CLCN5: variants seen among roughly 807,000 people sequenced by gnomAD.
CLCN5 encodes the protein H(+)/Cl(-) exchange transporter 5.
In CLCN5, 17 loss-of-function variants were observed where a neutral mutation model predicts 54.0. The observed-to-expected ratio is 0.31, with a 90% CI of 0.22 to 0.47. The LOEUF is 0.47. Among genes scored for constraint, CLCN5 ranks in the 20% least tolerant of loss-of-function variants. The probability of loss-of-function intolerance (pLI) is 1.00; values close to 1 mark genes in which losing one functional copy is unlikely to be tolerated. For synonymous variants in CLCN5, 222 were observed against 233.0 expected (o/e 0.95, Z 0.43); for missense variants, 448 against 646.7 (o/e 0.69, Z 3.33).
rs782345217 is a variant in CLCN5, at chrX:50,086,124, G to A, written c.1014+64G>A. ...TGTCAGGAATTTTGTACATTGCAGCGCAATAATTTTGTACATAATGTACAA... is the reference window on the plus strand; with the variant it reads ...TGTCAGGAATTTTGTACATTGCAGCACAATAATTTTGTACATAATGTACAA... On this transcript the variant is annotated intron_variant, in intron 10 of 14. Coordinates refer to ENST00000376091, the MANE Select transcript of CLCN5 (RefSeq NM_001127898.4). The A allele has an allele frequency of 4.2e-5, 41 of 966,309 alleles. No homozygotes were observed. In the Middle Eastern group the frequency reaches 7.8e-4, roughly 18 times the overall value. The allele number at this position is 966,309 out of a possible 1,213,427, so 79.6% of individuals were successfully genotyped here.
chrX:50,037,276 T>C (rs782651796), intron 3 of CLCN5, among the ~76,000 whole-genome samples: 2 of 112,272 alleles, frequency 1.8e-5, no homozygotes, highest in Non-Finnish European at 3.7e-5. Flanking sequence ...ATATCTGTTA[T>C]CTGAGTTACA....
At chrX:50,047,677 C>T (rs1294773138) in intron 4 of CLCN5, among the ~76,000 whole-genome samples, 1 of 111,487 alleles carries the variant, frequency 9.0e-6, no homozygotes, top group African/African-American at 3.3e-5. Flanking sequence ...GAGCTAAGGG[C>T]TCCTCTTGGC....
intron 3 of CLCN5, among the ~76,000 whole-genome samples, chrX:49,966,600 T>TA (rs1927878293): frequency 6.1e-5 from 1 of 16,339 alleles, no homozygotes; most frequent in Non-Finnish European, 1.1e-4. Context: ...TTTTTTTTTT[T>TA]TTTTTTTTTT....
chrX:50,072,892 G>GT (rs781876648), intron 6 of CLCN5, among the ~76,000 whole-genome samples: 38 of 107,149 alleles, frequency 3.5e-4, no homozygotes, highest in South Asian at 8.1e-4. Context: ...GTTGGAGACA[G>GT]TTTTTTTTTT....
At chrX:50,077,272 TGA>T (rs782564003) in intron 7 of CLCN5, among the ~76,000 whole-genome samples, 3 of 111,049 alleles carry the variant, frequency 2.7e-5, no homozygotes, top group Admixed American at 9.6e-5. Context: ...GCCGTATGTT[TGA>T]GAGAGTTTAG....
rs1929909275 is a variant in CLCN5, at chrX:50,002,675, CTCTCTCTG to C, written c.17-39639_17-39632del. On this transcript the variant is annotated intron_variant, in intron 3 of 14. Transcript: ENST00000376091. ...TGTCTCTGTCTCTGTCTCTCTCTCT[CTCTCTCTG>C]TGTGTGTGTGTGTGTGTGTGTGTGT... Among the ~76,000 whole-genome samples, 65 of 100,055 alleles carry C rather than the reference CTCTCTCTG, an allele frequency of 6.5e-4. 1 individual carries two copies. The highest frequency in any genetic ancestry group is 2.5e-3 in the African/African-American group (63 of 25,567). The allele number at this position is 100,055 out of a possible 115,157, so 86.9% of individuals were successfully genotyped here.
intron 3 of CLCN5, among the ~76,000 whole-genome samples, chrX:50,040,622 T>A (rs1442725245): frequency 8.9e-6 from 1 of 112,274 alleles, no homozygotes; most frequent in Non-Finnish European, 1.9e-5. Context: ...CTTTGTGTAA[T>A]GATCAAATCA....
chrX:49,944,642 T>C (rs1191372917), intron 3 of CLCN5, among the ~76,000 whole-genome samples: 2 of 112,216 alleles, frequency 1.8e-5, no homozygotes, highest in East Asian at 5.6e-4. Context: ...AAAGGCCTTT[T>C]CTGCATCTAT....
chrX:50,003,828 C>A (rs1557180994), intron 3 of CLCN5, among the ~76,000 whole-genome samples: 1 of 111,749 alleles, frequency 8.9e-6, no homozygotes, highest in East Asian at 2.8e-4. Flanking sequence ...GGTCTTTTGA[C>A]CTGGTTCTGT....
At chrX:49,940,701 G>A (rs782500768) in intron 3 of CLCN5, among the ~76,000 whole-genome samples, 1 of 111,509 alleles carries the variant, frequency 9.0e-6, no homozygotes, top group Non-Finnish European at 1.9e-5. Flanking sequence ...ACTTACCCAC[G>A]GGCTTTATTC....
chrX:50,088,323 AG>A (rs1458569068), intron 11 of CLCN5: 1 of 207,491 alleles, frequency 4.8e-6, no homozygotes, highest in Non-Finnish European at 8.9e-6. Context: ...TACTCAATAA[AG>A]GGTAGTCATT....
At chrX:50,009,299 T>C (rs1930367748) in intron 3 of CLCN5, among the ~76,000 whole-genome samples, 1 of 111,742 alleles carries the variant, frequency 8.9e-6, no homozygotes, top group Non-Finnish European at 1.9e-5. Flanking sequence ...GAAACACACA[T>C]TGGGTGATGA....
intron 3 of CLCN5, among the ~76,000 whole-genome samples, chrX:50,010,197 TTTTC>T (rs1214008535): frequency 2.7e-5 from 3 of 110,737 alleles, no homozygotes; most frequent in African/African-American, 9.9e-5. Context: ...TTTCTCTTTC[TTTTC>T]TTTCTTTCCT....
intron 3 of CLCN5, among the ~76,000 whole-genome samples, chrX:50,028,176 A>G (rs1367320300): frequency 8.9e-6 from 1 of 111,893 alleles, no homozygotes; most frequent in Non-Finnish European, 1.9e-5. Flanking sequence ...GTAAGATAGA[A>G]AGGCTGGTGG....
At chrX:49,991,244 G>T (rs1557178923) in intron 3 of CLCN5, among the ~76,000 whole-genome samples, 1 of 111,674 alleles carries the variant, frequency 9.0e-6, no homozygotes, top group Non-Finnish European at 1.9e-5. Context: ...TTTAATTATG[G>T]CCATTCTTGC....
chrX:50,018,803 C>T (rs1422120232), intron 3 of CLCN5, among the ~76,000 whole-genome samples: 2 of 111,832 alleles, frequency 1.8e-5, no homozygotes, highest in Non-Finnish European at 3.8e-5. Context: ...GGGATAAATC[C>T]CACTTGGTCA....
chrX:49,940,628 G>A lies in CLCN5; in HGVS notation c.16+15314G>A, dbSNP rs232749. Among the ~76,000 whole-genome samples, 4 of 112,298 alleles carry A rather than the reference G, an allele frequency of 3.6e-5. No homozygotes were observed. In the South Asian group the frequency reaches 1.5e-3, roughly 41 times the overall value. On this transcript the variant is annotated intron_variant, in intron 3 of 14. Coordinates refer to ENST00000376091, the MANE Select transcript of CLCN5 (RefSeq NM_001127898.4). ...ACCTAATAGTGTCTTCCACACAGAA[G>A]ATACAAAATCACTTATTTAAATTTA...
At chrX:49,955,143 C>T (rs1243242290) in intron 3 of CLCN5, among the ~76,000 whole-genome samples, 1 of 111,715 alleles carries the variant, frequency 9.0e-6, no homozygotes, top group Non-Finnish European at 1.9e-5. Flanking sequence ...TACCCACCAC[C>T]TATCCCTGTG....
At chrX:50,017,683 ATT>A (rs35130155) in intron 3 of CLCN5, among the ~76,000 whole-genome samples, 18 of 103,914 alleles carry the variant, frequency 1.7e-4, no homozygotes, top group African/African-American at 2.4e-4. Context: ...CTCTAGATTC[ATT>A]TTTTTTTTTG....
Sources: gnomAD v4.1 joint callset for allele counts (sites outside exome capture counted in the v4.1 genomes callset) on GRCh38, gnomAD v4.1.1 for gene constraint, MANE v1.5 for transcripts, NCBI Gene and HGNC (gene_info 2026-07-23, HGNC 2026-07-21) for gene names.